The following BBS9 variants were observed in gnomAD, a reference collection of about 807,000 sequenced individuals.
BBS9 encodes the protein protein PTHB1.
A neutral mutation model predicts 117.7 loss-of-function variants in BBS9; 89 were observed. The observed-to-expected ratio is 0.76, with a 90% CI of 0.64 to 0.90. The LOEUF (loss-of-function observed/expected upper bound fraction) is 0.90, where lower values mean the gene tolerates loss of function less well. Ranked by LOEUF, BBS9 falls within the 40% of genes least tolerant of loss-of-function variation. The pLI is 0.00. For missense variants in BBS9, 982 were observed against 1,042.2 expected (o/e 0.94, Z 0.80); for synonymous variants, 379 against 370.9 (o/e 1.02, Z -0.25).
intron 4 of BBS9, among the ~76,000 whole-genome samples, chr7:33,172,027 G>A (rs953936943): frequency 1.6e-4 from 24 of 151,960 alleles, no homozygotes; most frequent in Admixed American, 1.0e-3. Context: ...CAGGAAAGCA[G>A]GGGAGAAGGG....
At position 33,203,906 on chromosome 7, in the gene BBS9, A is replaced by G. The variant is rs548345079; in HGVS notation, c.442+26315A>G. Among the ~76,000 whole-genome samples the G allele has an allele frequency of 3.3e-5, 5 of 150,638 alleles. No homozygotes were observed. The South Asian group carries it at 1.1e-3, about 32-fold the overall frequency. Reference sequence around the variant, plus strand: ...CCCGTCTAATTTTTGTATTTTTAGTAGAGACGGGGTTTCACCATATTGGCC... The same window carrying G: ...CCCGTCTAATTTTTGTATTTTTAGTGGAGACGGGGTTTCACCATATTGGCC... On this transcript the variant is annotated intron_variant, in intron 5 of 22. Transcript: ENST00000242067.
intron 20 of BBS9, 66 bp from the exon 21 acceptor site, chr7:33,533,888 T>G (rs535513350): frequency 2.0e-6 from 3 of 1,520,240 alleles, no homozygotes; most frequent in Non-Finnish European, 2.7e-6. Flanking sequence ...ATCTGTATAA[T>G]ACATCAAGTG....
intron 5 of BBS9, among the ~76,000 whole-genome samples, chr7:33,181,079 G>T (rs1798035917): frequency 6.6e-6 from 1 of 152,148 alleles, no homozygotes; most frequent in Admixed American, 6.5e-5. Flanking sequence ...GAGTGAGTGG[G>T]TCCTATCTGC....
intron 20 of BBS9, among the ~76,000 whole-genome samples, chr7:33,509,955 C>T (rs1035577284): frequency 6.6e-6 from 1 of 152,152 alleles, no homozygotes; most frequent in African/African-American, 2.4e-5. Flanking sequence ...CTCCTCAATA[C>T]TATTTTGGGG....
intron 15 of BBS9, among the ~76,000 whole-genome samples, chr7:33,355,882 T>TAA (rs960400717): frequency 6.6e-6 from 1 of 151,892 alleles, no homozygotes; most frequent in Non-Finnish European, 1.5e-5. Context: ...TTGTTGATTA[T>TAA]ATTTAATTTT....
chr7:33,217,324 A>G (rs999384481), intron 5 of BBS9, among the ~76,000 whole-genome samples: 6 of 152,088 alleles, frequency 3.9e-5, no homozygotes, highest in Non-Finnish European at 5.9e-5. Context: ...GTTGTGTATT[A>G]TTAATCATTT....
chr7:33,315,137 A>G (rs1810203430), intron 9 of BBS9, among the ~76,000 whole-genome samples: 3 of 152,170 alleles, frequency 2.0e-5, no homozygotes, highest in African/African-American at 7.2e-5. Flanking sequence ...GTGACTTAAA[A>G]CAACAGAAAT....
chr7:33,448,759 T>C (rs866902408), intron 19 of BBS9, among the ~76,000 whole-genome samples: 1 of 152,242 alleles, frequency 6.6e-6, no homozygotes, highest in South Asian at 2.1e-4. Context: ...AATCTAAATG[T>C]TCCCTGAGCA....
intron 19 of BBS9, among the ~76,000 whole-genome samples, chr7:33,483,219 T>A (rs190959895): frequency 1.3e-5 from 2 of 152,338 alleles, no homozygotes; most frequent in African/African-American, 4.8e-5. Flanking sequence ...AAGAAAATAG[T>A]GACCCTGTAT....
intron 19 of BBS9, among the ~76,000 whole-genome samples, chr7:33,493,866 A>G (rs1285979260): frequency 6.6e-6 from 1 of 152,244 alleles, no homozygotes; most frequent in Non-Finnish European, 1.5e-5. Context: ...CAGTCAATCC[A>G]CATGTCTTTA....
chr7:33,272,918 T>C, intron 7 of BBS9, 94 bp from the exon 8 acceptor site: 1 of 1,244,152 alleles, frequency 8.0e-7, no homozygotes, highest in Non-Finnish European at 1.2e-6. Flanking sequence ...ATTTCTGCTT[T>C]GTTGTAAAGC....
intron 19 of BBS9, among the ~76,000 whole-genome samples, chr7:33,407,104 C>T (rs1454174391): frequency 3.9e-5 from 6 of 152,166 alleles, no homozygotes. Context: ...TTCACATAGT[C>T]CCATATTTCT....
At chr7:33,545,986 T>G (rs1421486292) in intron 21 of BBS9, among the ~76,000 whole-genome samples, 4 of 127,610 alleles carry the variant, frequency 3.1e-5, no homozygotes, top group Non-Finnish European at 6.2e-5. Context: ...CAGGCTGGAG[T>G]GCAGTAGCGT....
intron 21 of BBS9, among the ~76,000 whole-genome samples, chr7:33,621,376 C>CATTTTTCAA (rs1865397550): frequency 6.6e-6 from 1 of 152,048 alleles, no homozygotes; most frequent in Non-Finnish European, 1.5e-5. Context: ...GAAAAATGGG[C>CATTTTTCAA]AAAGGACCTG....
At chr7:33,616,792 T>C (rs888439941) in intron 21 of BBS9, among the ~76,000 whole-genome samples, 1 of 151,954 alleles carries the variant, frequency 6.6e-6, no homozygotes, top group African/African-American at 2.4e-5. Flanking sequence ...TCTGGACTTT[T>C]ACTGTAACCA....
intron 9 of BBS9, among the ~76,000 whole-genome samples, chr7:33,334,335 TG>T (rs1470687969): frequency 1.3e-5 from 2 of 152,316 alleles, no homozygotes; most frequent in African/African-American, 4.8e-5. Flanking sequence ...AGGATGAAGA[TG>T]AAATGGAAAT....
chr7:33,279,746 T>C (rs1375079864), intron 9 of BBS9, among the ~76,000 whole-genome samples: 1 of 152,212 alleles, frequency 6.6e-6, no homozygotes, highest in South Asian at 2.1e-4. Flanking sequence ...AATTAAATTG[T>C]TTTTTATTTA....
rs1297402872 is a variant in BBS9, at chr7:33,364,058, C to T, written c.1694-3709C>T. Among the ~76,000 whole-genome samples the T allele has an allele frequency of 2.3e-5, 2 of 88,284 alleles. 1 individual carries two copies. The highest frequency in any genetic ancestry group is 4.6e-5 in the Non-Finnish European group (2 of 43,014). 57.9% of individuals were successfully genotyped at this position (88,284 alleles called of 152,430 possible). On this transcript the variant is annotated intron_variant, in intron 16 of 22. Transcript: ENST00000242067. ...CCGCCTCCCGGGTTCACGCCATTCT[C>T]CTGCCTCAGCCTCCCGAGTAGCTGG...
intron 19 of BBS9, among the ~76,000 whole-genome samples, chr7:33,482,379 T>A (rs1394226142): frequency 6.6e-6 from 1 of 152,162 alleles, no homozygotes; most frequent in Non-Finnish European, 1.5e-5. Flanking sequence ...AACTCTTCTC[T>A]TATTTTTTAA....
Sources: gnomAD v4.1 joint callset for allele counts (sites outside exome capture counted in the v4.1 genomes callset) on GRCh38, gnomAD v4.1.1 for gene constraint, MANE v1.5 for transcripts, NCBI Gene and HGNC (gene_info 2026-07-23, HGNC 2026-07-21) for gene names.